Variants in GRM7 observed in about 807,000 individuals in gnomAD.
GRM7 encodes the protein glutamate metabotropic receptor 7.
GRM7 carries 35 observed loss-of-function variants against 84.5 expected under a neutral mutation model. The ratio of observed to expected loss-of-function variants is 0.41; its 90% CI spans 0.32 to 0.55. GRM7 has a LOEUF of 0.55. Ranked by LOEUF, GRM7 falls within the 20% of genes least tolerant of loss-of-function variation. GRM7 has a pLI of 0.19. For synonymous variants in GRM7, 487 were observed against 455.1 expected (o/e 1.07, Z -0.89); for missense variants, 1,003 against 1,194.6 (o/e 0.84, Z 2.36).
chr3:7,475,650 C>T (rs895453523), intron 7 of GRM7, among the ~76,000 whole-genome samples: 1 of 152,068 alleles, frequency 6.6e-6, no homozygotes, highest in Non-Finnish European at 1.5e-5. Flanking sequence ...TTGTCTATAA[C>T]GAGAGGAGGC....
intron 7 of GRM7, among the ~76,000 whole-genome samples, chr3:7,476,157 A>G (rs1361090424): frequency 6.6e-6 from 1 of 152,166 alleles, no homozygotes; most frequent in Non-Finnish European, 1.5e-5. Flanking sequence ...CTACCAGTTA[A>G]CTTGCTTCCC....
chr3:7,639,571 A>G (rs753281162), intron 8 of GRM7, among the ~76,000 whole-genome samples: 1 of 152,256 alleles, frequency 6.6e-6, no homozygotes, highest in Non-Finnish European at 1.5e-5. Flanking sequence ...TTTTAATATT[A>G]TCACCTTTTT....
At chr3:7,276,716 A>G (rs1318523982) in intron 2 of GRM7, among the ~76,000 whole-genome samples, 1 of 146,524 alleles carries the variant, frequency 6.8e-6, no homozygotes, top group African/African-American at 2.5e-5. Context: ...TAGCCTTAGC[A>G]TTTAGGGATC....
chr3:6,932,576 A>G (rs1697540914), intron 1 of GRM7, among the ~76,000 whole-genome samples: 2 of 152,304 alleles, frequency 1.3e-5, no homozygotes, highest in African/African-American at 4.8e-5. Context: ...AGGGATATTT[A>G]AAATAAAAGG....
At chr3:7,125,234 C>T (rs574537946) in intron 1 of GRM7, among the ~76,000 whole-genome samples, 8 of 152,242 alleles carry the variant, frequency 5.3e-5, no homozygotes, top group Non-Finnish European at 7.4e-5. Flanking sequence ...CCACCATGCC[C>T]GGCCTAATAG....
chr3:6,933,980 G>A (rs1466500315), intron 1 of GRM7, among the ~76,000 whole-genome samples: 1 of 152,182 alleles, frequency 6.6e-6, no homozygotes, highest in Non-Finnish European at 1.5e-5. Context: ...TGAGGACAAG[G>A]TTGGGCTAAG....
At chr3:7,318,274 A>T (rs868494252) in intron 4 of GRM7, among the ~76,000 whole-genome samples, 1 of 152,038 alleles carries the variant, frequency 6.6e-6, no homozygotes, top group Non-Finnish European at 1.5e-5. Flanking sequence ...AACTTGGTGC[A>T]TCACTGGGGA....
chr3:7,193,234 G>A (rs1420905616), intron 2 of GRM7, among the ~76,000 whole-genome samples: 1 of 152,092 alleles, frequency 6.6e-6, no homozygotes, highest in African/African-American at 2.4e-5. Flanking sequence ...TGAATGAGTG[G>A]CAGTGAACTA....
intron 1 of GRM7, among the ~76,000 whole-genome samples, chr3:7,099,328 TACAC>T (rs1252153543): frequency 4.1e-5 from 6 of 147,448 alleles, no homozygotes; most frequent in Non-Finnish European, 7.5e-5. Context: ...TGTATATATG[TACAC>T]ATGTATTATA....
chr3:7,130,664 A>G lies in GRM7; in HGVS notation c.520-15788A>G, dbSNP rs200054567. Among the ~76,000 whole-genome samples, 9 of 152,104 alleles carry G rather than the reference A, an allele frequency of 5.9e-5. No individual in the cohort carries two copies. In the East Asian group the frequency reaches 1.5e-3, roughly 26 times the overall value. On this transcript the variant is annotated intron_variant, in intron 1 of 9. Transcript: ENST00000357716. The stretch of plus-strand genomic sequence containing the variant: ...AATACAGCTAGTGGTGTTGGCACTG[A>G]TGACCTTCTCTCTCTCTCCCTCAAT...
At chr3:7,607,423 A>T (rs1415062372) in intron 8 of GRM7, 1 of 152,204 alleles carries the variant, frequency 6.6e-6, no homozygotes, top group Non-Finnish European at 1.5e-5. Context: ...AAAAGTAAAA[A>T]GTAGTTAAAG....
intron 1 of GRM7, among the ~76,000 whole-genome samples, chr3:7,052,075 T>C (rs1034762383): frequency 4.0e-5 from 6 of 151,718 alleles, no homozygotes; most frequent in African/African-American, 1.2e-4. Context: ...GTTCAGAAAT[T>C]CTCATTTTGC....
chr3:7,282,087 A>G (rs1699271509), intron 2 of GRM7, among the ~76,000 whole-genome samples: 1 of 152,138 alleles, frequency 6.6e-6, no homozygotes, highest in Non-Finnish European at 1.5e-5. Context: ...CATCTCTACG[A>G]AACAAACAAA....
At chr3:7,024,779 CTCTG>C (rs1299672840) in intron 1 of GRM7, among the ~76,000 whole-genome samples, 9 of 152,234 alleles carry the variant, frequency 5.9e-5, no homozygotes, top group Admixed American at 2.0e-4. Flanking sequence ...CTAGAACTGT[CTCTG>C]TCCCAGAAAA....
intron 2 of GRM7, among the ~76,000 whole-genome samples, chr3:7,223,057 C>T (rs6784204): frequency 0.12 from 18,528 of 152,074 alleles, 1,250 homozygotes; most frequent in Non-Finnish European, 0.16. Flanking sequence ...ATCATAGTTT[C>T]ATATTTAGAT....
intron 1 of GRM7, among the ~76,000 whole-genome samples, chr3:7,070,093 C>G (rs1697809910): frequency 6.6e-6 from 1 of 152,046 alleles, no homozygotes; most frequent in Non-Finnish European, 1.5e-5. Context: ...CTAAGTCTAA[C>G]CCCAAATCTG....
At chr3:7,078,853 GTT>G (rs34321853) in intron 1 of GRM7, among the ~76,000 whole-genome samples, 1 of 143,018 alleles carries the variant, frequency 7.0e-6, no homozygotes. Flanking sequence ...CTCTGAGTTT[GTT>G]TTTTTTTTTT....
intron 1 of GRM7, among the ~76,000 whole-genome samples, chr3:6,875,431 G>A (rs796849713): frequency 2.6e-5 from 4 of 152,194 alleles, no homozygotes; most frequent in African/African-American, 4.8e-5. Context: ...TAAGTCTCAC[G>A]AGATCTGATG....
At chr3:7,361,100 G>A (rs1389863292) in intron 4 of GRM7, among the ~76,000 whole-genome samples, 1 of 152,072 alleles carries the variant, frequency 6.6e-6, no homozygotes, top group African/African-American at 2.4e-5. Flanking sequence ...TCTAACCAGT[G>A]TTAACAGTTA....
Sources: allele counts gnomAD v4.1 joint callset (sites outside exome capture counted in the v4.1 genomes callset), GRCh38; gene constraint gnomAD v4.1.1; transcripts MANE v1.5; gene names NCBI Gene and HGNC (gene_info 2026-07-23, HGNC 2026-07-21).